The following OTUD7A variants were observed in gnomAD, a reference collection of about 807,000 sequenced individuals.
The protein encoded by OTUD7A is OTU domain-containing protein 7A.
OTUD7A carries 12 observed loss-of-function variants against 65.7 expected under a neutral mutation model. The ratio of observed to expected loss-of-function variants is 0.18; its 90% CI spans 0.12 to 0.30. The LOEUF is 0.30. Ranked by LOEUF, OTUD7A falls within the 10% of genes least tolerant of loss-of-function variation. The probability of loss-of-function intolerance (pLI) is 1.00; values close to 1 mark genes in which losing one functional copy is unlikely to be tolerated. For missense variants in OTUD7A, 1,148 were observed against 1,304.8 expected, an observed-to-expected ratio of 0.88 and a Z score of 1.85; for synonymous variants, 641 against 586.3, an observed-to-expected ratio of 1.09 and a Z score of -1.35.
intron 1 of OTUD7A, among the ~76,000 whole-genome samples, chr15:31,778,743 CACACACACACACAGACACGCACAT>C (rs1326044717): frequency 1.9e-4 from 28 of 151,232 alleles, no homozygotes; most frequent in African/African-American, 6.1e-4. Context: ...CTCTCTCTCA[CACACACACACACAGACACGCACAT>C]ACACACACAC....
chr15:31,526,287 G>T, intron 8 of OTUD7A, 62 bp downstream of exon 8: 1 of 1,450,088 alleles, frequency 6.9e-7, no homozygotes, highest in South Asian at 1.4e-5. Flanking sequence ...CCCATGCTGT[G>T]TGTAGCCCTG....
intron 1 of OTUD7A, among the ~76,000 whole-genome samples, chr15:31,680,561 T>C (rs1343739994): frequency 6.6e-6 from 1 of 152,140 alleles, no homozygotes; most frequent in Non-Finnish European, 1.5e-5. Context: ...CTGGCTATGG[T>C]CATGAGGGCT....
At position 31,516,425 on chromosome 15, in the gene OTUD7A, C is replaced by T. The variant is rs143814546; in HGVS notation, c.893+9924G>A. ...GTGGCGGAGAGGATCCCAGCTCCAG[C>T]GGGGGGCAGCCTGAAAATCATAATG... On this transcript the variant is annotated intron_variant, in intron 8 of 12. Transcript: ENST00000307050. Among the ~76,000 whole-genome samples the T allele has an allele frequency of 6.2e-3, 945 of 152,144 alleles. 5 individuals carry two copies. The highest frequency in any genetic ancestry group is 0.022 in the African/African-American group (895 of 41,502).
At chr15:31,720,026 C>T (rs560075409) in intron 1 of OTUD7A, among the ~76,000 whole-genome samples, 23 of 152,300 alleles carry the variant, frequency 1.5e-4, no homozygotes, top group African/African-American at 5.3e-4. Flanking sequence ...TAAGCTTAAA[C>T]GCTAATATAA....
chr15:31,666,870 G>A (rs1407394693), intron 1 of OTUD7A, among the ~76,000 whole-genome samples: 2 of 151,968 alleles, frequency 1.3e-5, no homozygotes, highest in African/African-American at 4.8e-5. Flanking sequence ...AATTTCCATC[G>A]TGATTACATT....
At chr15:31,525,182 G>A (rs188646932) in intron 8 of OTUD7A, among the ~76,000 whole-genome samples, 5 of 152,314 alleles carry the variant, frequency 3.3e-5, no homozygotes, top group Admixed American at 6.5e-5. Context: ...CTGTGAAAAC[G>A]ATGTCGAGGA....
intron 1 of OTUD7A, among the ~76,000 whole-genome samples, chr15:31,661,592 C>T (rs1892165841): frequency 6.6e-6 from 1 of 152,254 alleles, no homozygotes; most frequent in Admixed American, 6.5e-5. Flanking sequence ...TCTTCTCTAT[C>T]TCCAACCCTT....
intron 1 of OTUD7A, among the ~76,000 whole-genome samples, chr15:31,753,784 T>A (rs1567005244): frequency 6.7e-6 from 1 of 148,434 alleles, no homozygotes; most frequent in Admixed American, 6.8e-5. Flanking sequence ...GGCATTTGGA[T>A]CAGTTCCACA....
intron 1 of OTUD7A, among the ~76,000 whole-genome samples, chr15:31,805,478 C>A (rs1186229951): frequency 6.6e-6 from 1 of 152,210 alleles, no homozygotes. Context: ...CTATCCACCC[C>A]AAAAGATAAC....
intron 5 of OTUD7A, among the ~76,000 whole-genome samples, chr15:31,539,681 G>C (rs1169150207): frequency 1.3e-5 from 2 of 152,134 alleles, no homozygotes; most frequent in Admixed American, 6.5e-5. Context: ...TTCTAATGCT[G>C]TTAAGTCATA....
chr15:31,752,847 T>C lies in OTUD7A; in HGVS notation c.-99-95770A>G, dbSNP rs1001266516. On this transcript the variant is annotated intron_variant, in intron 1 of 12. Coordinates refer to ENST00000307050, the MANE Select transcript of OTUD7A (RefSeq NM_001382637.1). ...ATAACAAAGTCTGAGTAAACATAGT[T>C]TGTCAGTCATTCTTTCAGGTAAAAG... Among the ~76,000 whole-genome samples, 6 of 152,224 alleles carry C rather than the reference T, an allele frequency of 3.9e-5. No homozygotes were observed. The South Asian group carries it at 1.2e-3, about 32-fold the overall frequency.
At chr15:31,804,992 A>G (rs1896232132) in intron 1 of OTUD7A, among the ~76,000 whole-genome samples, 1 of 152,228 alleles carries the variant, frequency 6.6e-6, no homozygotes, top group Non-Finnish European at 1.5e-5. Flanking sequence ...GGCAAGGAAG[A>G]AGACAGGCAT....
chr15:31,606,966 G>A (rs181435780), intron 3 of OTUD7A, among the ~76,000 whole-genome samples: 8 of 152,272 alleles, frequency 5.3e-5, no homozygotes, highest in African/African-American at 1.9e-4. Flanking sequence ...AACTGCCCTG[G>A]GGAGTTTCGC....
At chr15:31,848,642 T>C (rs1043076355) in intron 1 of OTUD7A, among the ~76,000 whole-genome samples, 16 of 152,336 alleles carry the variant, frequency 1.1e-4, no homozygotes, top group Admixed American at 2.6e-4. Context: ...CTTGAGATCA[T>C]GTGCTCTTCC....
At chr15:31,769,596 T>C (rs1895179815) in intron 1 of OTUD7A, among the ~76,000 whole-genome samples, 1 of 152,194 alleles carries the variant, frequency 6.6e-6, no homozygotes, top group African/African-American at 2.4e-5. Flanking sequence ...AAACAAACGG[T>C]GGTGCATCCA....
chr15:31,509,794 T>C (rs1005094960), intron 8 of OTUD7A, among the ~76,000 whole-genome samples: 1 of 151,950 alleles, frequency 6.6e-6, no homozygotes, highest in Non-Finnish European at 1.5e-5. Context: ...TAACTTTTTA[T>C]GACTTTTATA....
rs2041163974 is a variant in OTUD7A at position 31,483,323 on chromosome 15, G to A, written c.2773C>T (p.Arg925Trp). 5.0e-6 allele frequency: 6 copies of A among 1,202,824 alleles called. No individual in the cohort carries two copies. The highest frequency in any genetic ancestry group is 5.4e-5 in the South Asian group (2 of 36,710). 74.5% of individuals were successfully genotyped at this position (1,202,824 alleles called of 1,614,324 possible). ...SYCYREELRR[R>W]REARGARP Reference sequence around the variant, plus strand: ...GGCCGGGCCCCGCGCGCCTCGCGCCGCCGCCGCAGCTCCTCGCGGTAGCAG... The same window carrying A: ...GGCCGGGCCCCGCGCGCCTCGCGCCACCGCCGCAGCTCCTCGCGGTAGCAG... The change falls in exon 13 of 13, where the codon CGG (arginine) becomes TGG (tryptophan). Residue 925 changes from arginine (R) to tryptophan (W), a missense_variant. Coordinates refer to ENST00000307050, the MANE Select transcript of OTUD7A (RefSeq NM_001382637.1).
chr15:31,646,149 C>T (rs140691730), intron 3 of OTUD7A, among the ~76,000 whole-genome samples: 2 of 152,050 alleles, frequency 1.3e-5, no homozygotes, highest in Non-Finnish European at 2.9e-5. Context: ...CAGCTTACGC[C>T]CACATTACTG....
At chr15:31,603,583 A>C (rs919840492) in intron 3 of OTUD7A, among the ~76,000 whole-genome samples, 4 of 152,224 alleles carry the variant, frequency 2.6e-5, no homozygotes, top group African/African-American at 9.6e-5. Context: ...CAAAAGCCAA[A>C]ATTGACAAAT....
Sources: gnomAD v4.1 joint callset for allele counts (sites outside exome capture counted in the v4.1 genomes callset) on GRCh38, gnomAD v4.1.1 for gene constraint, MANE v1.5 for transcripts, NCBI Gene and HGNC (gene_info 2026-07-23, HGNC 2026-07-21) for gene names.